The following PRKCE variants were observed in gnomAD, a reference collection of about 807,000 sequenced individuals.
The protein encoded by PRKCE is protein kinase C epsilon type.
A neutral mutation model predicts 85.4 loss-of-function variants in PRKCE; 16 were observed. The observed-to-expected ratio is 0.19, with a 90% CI of 0.13 to 0.28. The LOEUF is 0.28. PRKCE is among the 10% of genes least tolerant of loss of function. The pLI, the probability that PRKCE is intolerant of heterozygous loss-of-function variation, is 1.00. For missense variants in PRKCE, 573 were observed against 975.2 expected (o/e 0.59, Z 5.49); for synonymous variants, 388 against 371.5 (o/e 1.04, Z -0.51).
At chr2:46,074,429 C>CAAAAAAAAAAAAAAAAAAAAAAAAA (rs11287357) in intron 10 of PRKCE, among the ~76,000 whole-genome samples, 8 of 93,880 alleles carry the variant, frequency 8.5e-5, no homozygotes, top group South Asian at 4.0e-4. Flanking sequence ...CAACAACAAC[C>CAAAAAAAAAAAAAAAAAAAAAAAAA]AAAAAAAAAA....
rs1319524775 is a variant in PRKCE at position 46,145,968 on chromosome 2, G to C, written c.1731+737G>C. Among the ~76,000 whole-genome samples the C allele has an allele frequency of 6.6e-6, 1 of 152,186 alleles. No homozygotes were observed. Among genetic ancestry groups the C allele is most frequent in the Non-Finnish European group, 1.5e-5 (1 of 68,034 alleles). On this transcript the variant is annotated intron_variant, in intron 12 of 14. Transcript: ENST00000306156. This position sits in a 1 kb window ranked among gnomAD's most constrained non-coding sequence, Gnocchi z 4.6. ...TACAATTTGCTAACAGTAAAACTAG[G>C]AACTGTTTGCTATTTCCTGCATAGT... is the stretch of plus-strand genomic sequence containing the variant.
chr2:46,092,229 CTA>C (rs1670233347), intron 11 of PRKCE, among the ~76,000 whole-genome samples: 1 of 152,220 alleles, frequency 6.6e-6, no homozygotes, highest in South Asian at 2.1e-4. Flanking sequence ...AGCGTCTTAT[CTA>C]TGTCACATAT....
At chr2:45,772,249 G>A (rs149245354) in intron 1 of PRKCE, among the ~76,000 whole-genome samples, 1 of 151,548 alleles carries the variant, frequency 6.6e-6, no homozygotes, top group African/African-American at 2.4e-5. Flanking sequence ...AGACCAGCCT[G>A]GGCAGCATAG....
At chr2:46,162,644 C>G (rs554222771) in intron 14 of PRKCE, among the ~76,000 whole-genome samples, 2 of 152,182 alleles carry the variant, frequency 1.3e-5, no homozygotes, top group East Asian at 1.9e-4. Context: ...AAACGGAAAG[C>G]TGACGTTGTG....
In PRKCE at chr2:46,072,122, CA is replaced by C. The variant is rs1668133279; in HGVS notation, c.1438-14083del. ...TAAATCTGAATGGAAATATGGAGAT[CA>C]AAGAATTTAATAATTTAAAAAACCC... On this transcript the variant is annotated intron_variant, in intron 10 of 14. Transcript: ENST00000306156. Among the ~76,000 whole-genome samples, 5 of 152,288 alleles carry C rather than the reference CA, an allele frequency of 3.3e-5. 1 individual carries two copies. The highest frequency in any genetic ancestry group is 3.3e-4 in the Admixed American group (5 of 15,296).
intron 10 of PRKCE, among the ~76,000 whole-genome samples, chr2:46,066,100 G>A (rs539192625): frequency 6.6e-6 from 1 of 152,356 alleles, no homozygotes; most frequent in Admixed American, 6.5e-5. Flanking sequence ...ATGACAGAGT[G>A]TGGAGCAGCA....
rs573510554 is a variant in PRKCE at position 46,180,493 on chromosome 2, C to T, written c.2068-4242C>T. Among the ~76,000 whole-genome samples, 30 of 152,310 alleles carry T rather than the reference C, an allele frequency of 2.0e-4. No individual in the cohort carries two copies. In the South Asian group the frequency reaches 5.2e-3, roughly 26 times the overall value. On this transcript the variant is annotated intron_variant, in intron 14 of 14. Coordinates refer to ENST00000306156, the MANE Select transcript of PRKCE (RefSeq NM_005400.3). ...GGAAGCACTAGGATGTTCAGGCAGG[C>T]CCAGGCTCAGTCCTAGTTCAGGATT... is the stretch of plus-strand genomic sequence containing the variant.
intron 14 of PRKCE, among the ~76,000 whole-genome samples, chr2:46,163,664 C>A (rs191526898): frequency 2.3e-5 from 3 of 132,366 alleles, no homozygotes; most frequent in South Asian, 2.5e-4. Context: ...AGCTGAGGCA[C>A]ACCCCACAGA....
chr2:46,129,665 A>G (rs950412086), intron 11 of PRKCE, among the ~76,000 whole-genome samples: 5 of 152,196 alleles, frequency 3.3e-5, no homozygotes, highest in African/African-American at 1.2e-4. Flanking sequence ...TCATTCTTCC[A>G]TCGGGCACTC....
chr2:45,866,263 T>C (rs1481067775), intron 2 of PRKCE, among the ~76,000 whole-genome samples: 7 of 152,172 alleles, frequency 4.6e-5, no homozygotes, highest in African/African-American at 1.7e-4. Context: ...TGAGATAATA[T>C]GTCTGGGATT....
chr2:45,955,103 A>G (rs929072365), intron 2 of PRKCE, among the ~76,000 whole-genome samples: 1 of 149,188 alleles, frequency 6.7e-6, no homozygotes, highest in Admixed American at 6.7e-5. Context: ...TCCATCAAGT[A>G]TATAATTAAA....
rs1040242404 is a variant in PRKCE, at chr2:45,930,291, G to A, written c.413-46138G>A. Among the ~76,000 whole-genome samples the A allele has an allele frequency of 2.6e-5, 4 of 152,234 alleles. No individual in the cohort carries two copies. In the East Asian group the frequency reaches 7.7e-4, roughly 29 times the overall value. ...GGATTAGAGTATCACAGGTTGATAA[G>A]TGATTAAGAGATGGCCTGGTACTAC... On this transcript the variant is annotated intron_variant, in intron 2 of 14. Coordinates refer to ENST00000306156, the MANE Select transcript of PRKCE (RefSeq NM_005400.3).
At chr2:45,968,397 G>A (rs994469413) in intron 2 of PRKCE, among the ~76,000 whole-genome samples, 1 of 152,144 alleles carries the variant, frequency 6.6e-6, no homozygotes, top group Non-Finnish European at 1.5e-5. Context: ...AAGACTGCAT[G>A]TTCTCACTTA....
At chr2:45,890,629 C>T (rs560707075) in intron 2 of PRKCE, among the ~76,000 whole-genome samples, 51 of 152,336 alleles carry the variant, frequency 3.3e-4, no homozygotes, top group Non-Finnish European at 4.4e-4. Context: ...GATCTGCCTG[C>T]CTCAGCCTCC....
rs59991455 is a variant in PRKCE at position 45,933,464 on chromosome 2, C to CTTTTT, written c.413-42942_413-42938dup. On this transcript the variant is annotated intron_variant, in intron 2 of 14. Coordinates refer to ENST00000306156, the MANE Select transcript of PRKCE (RefSeq NM_005400.3). ...TTTTACCTTTCACCTCATATGCCTGCTTTTTTTTTTTTTTTTTTTTTTTTT... is the reference window on the plus strand; with the variant it reads ...TTTTACCTTTCACCTCATATGCCTGCTTTTTTTTTTTTTTTTTTTTTTTTTTTTTT... Among the ~76,000 whole-genome samples, 22 of 65,362 alleles carry CTTTTT rather than the reference C, an allele frequency of 3.4e-4. 6 individuals carry two copies. The highest frequency in any genetic ancestry group is 7.1e-4 in the South Asian group (1 of 1,412). 42.9% of individuals were successfully genotyped at this position (65,362 alleles called of 152,430 possible).
At chr2:45,699,129 A>G (rs1678401290) in intron 1 of PRKCE, among the ~76,000 whole-genome samples, 1 of 151,340 alleles carries the variant, frequency 6.6e-6, no homozygotes, top group Non-Finnish European at 1.5e-5. Flanking sequence ...TCTGCTTGGA[A>G]GCTCTGCCTT....
intron 2 of PRKCE, among the ~76,000 whole-genome samples, chr2:45,902,116 C>T (rs1696623048): frequency 6.6e-6 from 1 of 152,158 alleles, no homozygotes; most frequent in Admixed American, 6.5e-5. Flanking sequence ...CTTTCCCACT[C>T]CCACTTGGGT....
intron 1 of PRKCE, among the ~76,000 whole-genome samples, chr2:45,673,996 T>G (rs188347898): frequency 8.2e-4 from 125 of 152,364 alleles, no homozygotes; most frequent in Admixed American, 4.5e-3. Context: ...CACAAATCAA[T>G]TGTTGCTTGA....
At chr2:45,844,356 C>T (rs186440631) in intron 2 of PRKCE, among the ~76,000 whole-genome samples, 9 of 152,296 alleles carry the variant, frequency 5.9e-5, no homozygotes, top group African/African-American at 2.2e-4. Context: ...GCATTTCCAA[C>T]TTCCCTTCTC....
Sources: gnomAD v4.1 joint callset for allele counts (sites outside exome capture counted in the v4.1 genomes callset) on GRCh38, gnomAD v4.1.1 for gene constraint, Gnocchi (gnomAD v3.1) non-coding constraint, MANE v1.5 for transcripts, NCBI Gene and HGNC (gene_info 2026-07-23, HGNC 2026-07-21) for gene names.